ADGB: variants seen among roughly 807,000 people sequenced by gnomAD.
ADGB encodes androglobin.
Under a neutral mutation model 210.5 loss-of-function variants are expected in ADGB, and 172 were observed. The observed-to-expected ratio is 0.82, with a 90% CI of 0.72 to 0.93. ADGB has a LOEUF of 0.93. ADGB is among the 40% of genes least tolerant of loss of function. The pLI is 0.00. For synonymous variants in ADGB, 658 were observed against 662.7 expected (o/e 0.99, Z 0.11); for missense variants, 2,025 against 1,964.8 (o/e 1.03, Z -0.58).
chr6:146,773,999 G>T (rs1193910822), intron 29 of ADGB, among the ~76,000 whole-genome samples: 3 of 152,130 alleles, frequency 2.0e-5, no homozygotes, highest in African/African-American at 7.2e-5. Context: ...CTAGTGACTG[G>T]CACAGCTGAG....
chr6:146,653,652 C>G (rs1775735941), intron 3 of ADGB, among the ~76,000 whole-genome samples: 1 of 151,928 alleles, frequency 6.6e-6, no homozygotes, highest in Non-Finnish European at 1.5e-5. Flanking sequence ...AGGCTTAATA[C>G]CTGGGTGATG....
intron 12 of ADGB, among the ~76,000 whole-genome samples, chr6:146,699,115 T>C (rs1296947646): frequency 6.6e-6 from 1 of 152,118 alleles, no homozygotes; most frequent in Non-Finnish European, 1.5e-5. Flanking sequence ...TAATGCGGAA[T>C]ATAGACATCG....
intron 27 of ADGB, among the ~76,000 whole-genome samples, chr6:146,759,483 C>CT (rs1777456328): frequency 6.6e-6 from 1 of 151,240 alleles, no homozygotes; most frequent in South Asian, 2.1e-4. Flanking sequence ...TTCTAGATAA[C>CT]TGAGTATGAG....
intron 13 of ADGB, among the ~76,000 whole-genome samples, chr6:146,706,210 T>G (rs1776566640): frequency 6.6e-6 from 1 of 152,006 alleles, no homozygotes; most frequent in Non-Finnish European, 1.5e-5. Flanking sequence ...GCATAAGCAT[T>G]GCACCTGGCC....
chr6:146,810,873 T>C (rs1304866141), intron 35 of ADGB, among the ~76,000 whole-genome samples: 1 of 152,162 alleles, frequency 6.6e-6, no homozygotes, highest in African/African-American at 2.4e-5. Flanking sequence ...GTATTTCAGG[T>C]ACAGAATGGA....
At chr6:146,638,542 G>A (rs1403057362) in intron 2 of ADGB, among the ~76,000 whole-genome samples, 7 of 128,930 alleles carry the variant, frequency 5.4e-5, no homozygotes, top group Non-Finnish European at 1.1e-4. Context: ...CTCATAGGTG[G>A]GAAATGAACA....
chr6:146,752,434 G>A, intron 26 of ADGB, 96 bp from the exon 27 acceptor site: 1 of 1,128,824 alleles, frequency 8.9e-7, no homozygotes, highest in Non-Finnish European at 1.2e-6. Context: ...TTTGACAGCA[G>A]ATTTGGGCAG....
chr6:146,703,407 T>C (rs893017266), intron 13 of ADGB, among the ~76,000 whole-genome samples: 2 of 151,844 alleles, frequency 1.3e-5, no homozygotes, highest in East Asian at 1.9e-4. Flanking sequence ...TTCTGTCTTA[T>C]CAATTTTCAA....
intron 27 of ADGB, among the ~76,000 whole-genome samples, chr6:146,754,948 A>G (rs575112804): frequency 6.6e-6 from 1 of 152,220 alleles, no homozygotes; most frequent in East Asian, 1.9e-4. Flanking sequence ...ACTGGTGTGA[A>G]AATTTCTTAG....
intron 22 of ADGB, 126 bp from the exon 23 acceptor site, chr6:146,736,372 C>A (rs546451433): frequency 5.0e-6 from 3 of 597,926 alleles, no homozygotes; most frequent in Non-Finnish European, 8.4e-6. Context: ...GCTAATGAAG[C>A]CTATGACTTT....
At chr6:146,795,939 T>C (rs766269702) in intron 33 of ADGB, among the ~76,000 whole-genome samples, 3 of 152,098 alleles carry the variant, frequency 2.0e-5, no homozygotes, top group African/African-American at 4.8e-5. Flanking sequence ...GATTGTATAC[T>C]GAGAAAACCC....
chr6:146,729,115 A>G (rs1469839238), intron 20 of ADGB, among the ~76,000 whole-genome samples: 2 of 152,088 alleles, frequency 1.3e-5, no homozygotes, highest in Non-Finnish European at 2.9e-5. Context: ...ACTTCCTCAC[A>G]CTTACAACGT....
intron 1 of ADGB, among the ~76,000 whole-genome samples, chr6:146,632,123 TGG>T (rs1781075132): frequency 1.3e-5 from 2 of 152,120 alleles, no homozygotes; most frequent in South Asian, 4.1e-4. Context: ...CAAATTCATT[TGG>T]AATTCTCGAG....
chr6:146,642,006 CT>C (rs1775523589), intron 2 of ADGB, among the ~76,000 whole-genome samples: 1 of 152,050 alleles, frequency 6.6e-6, no homozygotes, highest in Admixed American at 6.6e-5. Flanking sequence ...AACTGTACAT[CT>C]GACCAAGGTC....
chr6:146,630,383 C>G (rs1179519152), intron 1 of ADGB, among the ~76,000 whole-genome samples: 5 of 151,672 alleles, frequency 3.3e-5, no homozygotes, highest in Non-Finnish European at 7.4e-5. Context: ...ATAGTAAGGC[C>G]ATAAAAAAAG....
intron 35 of ADGB, 130 bp from the exon 36 acceptor site, chr6:146,814,902 T>C: frequency 1.2e-6 from 1 of 831,588 alleles, no homozygotes. Flanking sequence ...ACACTAATTT[T>C]CATCTTCAAT....
At chr6:146,727,515 T>C (rs1046482087) in intron 19 of ADGB, among the ~76,000 whole-genome samples, 9 of 152,238 alleles carry the variant, frequency 5.9e-5, no homozygotes, top group African/African-American at 1.2e-4. Flanking sequence ...TTATATGGTA[T>C]ACATTGTCAG....
In ADGB at chr6:146,635,479, A is replaced by T; in HGVS notation, c.179A>T (p.Lys60Met). The change falls in exon 2 of 36, where the codon AAG (lysine) becomes ATG (methionine). Residue 60 changes from lysine to methionine, a missense_variant. Transcript: ENST00000397944. The stretch of plus-strand genomic sequence containing the variant: ...AGTGAAGCTGACATAAATTCAGAAA[A>T]GTGGGATGCAGGCAAAGGTGCAAAA... ...EWSEADINSE[K>M]WDAGKGAKEK... 2 of 1,548,936 alleles carry T rather than the reference A, an allele frequency of 1.3e-6. No individual in the cohort carries two copies. The highest frequency in any genetic ancestry group is 1.7e-6 in the Non-Finnish European group (2 of 1,145,426).
At chr6:146,766,140 G>C (rs1255333401) in intron 28 of ADGB, among the ~76,000 whole-genome samples, 1 of 151,214 alleles carries the variant, frequency 6.6e-6, no homozygotes, top group Non-Finnish European at 1.5e-5. Context: ...GGTGAGGGGG[G>C]CGGTGAGCGC....
Sources: allele counts gnomAD v4.1 joint callset (sites outside exome capture counted in the v4.1 genomes callset), GRCh38; gene constraint gnomAD v4.1.1; transcripts MANE v1.5; gene names NCBI Gene and HGNC (gene_info 2026-07-23, HGNC 2026-07-21).